ORC1: variants seen among roughly 807,000 people sequenced by gnomAD.
The protein encoded by ORC1 is origin recognition complex, subunit 1 homolog.
A neutral mutation model predicts 98.9 loss-of-function variants in ORC1; 61 were observed. That is an observed-to-expected ratio of 0.62 (90% confidence interval 0.50 to 0.76). The LOEUF (loss-of-function observed/expected upper bound fraction) is 0.76, where lower values mean the gene tolerates loss of function less well. Among genes scored for constraint, ORC1 ranks in the 30% least tolerant of loss-of-function variants. The probability of loss-of-function intolerance (pLI) is 0.00; values close to 1 mark genes in which losing one functional copy is unlikely to be tolerated. For synonymous variants in ORC1, 385 were observed against 406.9 expected, an observed-to-expected ratio of 0.95 and a Z score of 0.65; for missense variants, 979 against 1,072.2, an observed-to-expected ratio of 0.91 and a Z score of 1.21.
chr1:52,375,705 C>A, intron 14 of ORC1, 106 bp from the exon 15 acceptor site: 5 of 1,026,196 alleles, frequency 4.9e-6, no homozygotes, highest in Non-Finnish European at 7.6e-6. Context: ...AGTACTTAGC[C>A]CTGGCAGGGA....
At position 52,395,900 on chromosome 1, in the gene ORC1, CAGA is replaced by C. The variant is rs1190694628; in HGVS notation, c.721+143_721+145del. On this transcript the variant is annotated intron_variant, in intron 5 of 16. Transcript: ENST00000371568. ...GTCCCAGCTACTGGGGAGGCTGAGG[CAGA>C]AGGATTGCTTGAGCATGATCACTTG... 15 of 1,378,042 alleles carry C rather than the reference CAGA, an allele frequency of 1.1e-5. No homozygotes were observed. In the East Asian group the frequency reaches 2.0e-4, roughly 18 times the overall value. The allele number at this position is 1,378,042 out of a possible 1,614,324, so 85.4% of individuals were successfully genotyped here. A position where few individuals can be genotyped will look rare whatever the true frequency, so the allele number is the denominator to read the frequency against.
intron 9 of ORC1, 124 bp from the exon 10 acceptor site, chr1:52,385,386 A>G: frequency 1.3e-6 from 1 of 787,156 alleles, no homozygotes; most frequent in Non-Finnish European, 2.3e-6. Flanking sequence ...ACTCAATTTC[A>G]AATGCTAGAG....
intron 14 of ORC1, among the ~76,000 whole-genome samples, chr1:52,379,464 C>T (rs1474969949): frequency 2.0e-5 from 3 of 151,240 alleles, no homozygotes; most frequent in Non-Finnish European, 4.4e-5. Context: ...AGGATGGTCT[C>T]GATCTCTTGA....
Position 52,389,236 on chromosome 1 carries a change from G to C in ORC1, c.1168C>G (p.Arg390Gly). ...RRKSSVLTMN[R>G]IRQQLRFLGN... ...TCTTACCGAAGCTGCTGCCTAATCCGATTCATAGTCAAGACAGAACTCTTT... is the reference window on the plus strand; with the variant it reads ...TCTTACCGAAGCTGCTGCCTAATCCCATTCATAGTCAAGACAGAACTCTTT... Residue 390 changes from arginine to glycine, a missense_variant, in exon 7 of 17, where the codon CGG (arginine) becomes GGG (glycine). Transcript: ENST00000371568. The C allele has an allele frequency of 1.2e-6, 2 of 1,613,910 alleles. No individual in the cohort carries two copies. The highest frequency in any genetic ancestry group is 1.7e-6 in the Non-Finnish European group (2 of 1,179,786).
rs532183378 is a variant in ORC1, at chr1:52,396,852, A to C, written c.403-488T>G. Among the ~76,000 whole-genome samples the C allele has an allele frequency of 2.0e-5, 3 of 152,294 alleles. No homozygotes were observed. In the East Asian group the frequency reaches 5.8e-4, roughly 29 times the overall value. On this transcript the variant is annotated intron_variant, in intron 4 of 16. Coordinates refer to ENST00000371568, the MANE Select transcript of ORC1 (RefSeq NM_004153.4). The stretch of plus-strand genomic sequence containing the variant: ...GCCAATAATGGCTCCCACTGTAGCA[A>C]GACCAAATTACTTAAACTAATTTTT...
In ORC1 at chr1:52,373,270, G is replaced by T; in HGVS notation, c.2497C>A (p.Leu833Ile). ...CSHLGSCRLL[L>I]VEPSRNDLLL... ...AGATCGTTCCTGCTGGGCTCCACAAGCAGGAGGCGACAGGAGCCCAGGTGA... is the reference window on the plus strand; with the variant it reads ...AGATCGTTCCTGCTGGGCTCCACAATCAGGAGGCGACAGGAGCCCAGGTGA... Residue 833 changes from leucine to isoleucine, a missense_variant, in exon 17 of 17, where the codon CTT becomes ATT. Transcript: ENST00000371568. The T allele has an allele frequency of 6.2e-7, 1 of 1,614,208 alleles. No homozygotes were observed. The highest frequency in any genetic ancestry group is 1.3e-5 in the African/African-American group (1 of 75,060).
rs989023769 is a variant in ORC1 at position 52,375,697 on chromosome 1, T to G, written c.2134-98A>C. On this transcript the variant is annotated intron_variant, in intron 14 of 16. Coordinates refer to ENST00000371568, the MANE Select transcript of ORC1 (RefSeq NM_004153.4). ...CAATGGACATAAGCGTAAAGTTAAGTACTTAGCCCTGGCAGGGAACCTGGA... is the reference window on the plus strand; with the variant it reads ...CAATGGACATAAGCGTAAAGTTAAGGACTTAGCCCTGGCAGGGAACCTGGA... The G allele has an allele frequency of 1.4e-5, 16 of 1,138,124 alleles. No individual in the cohort carries two copies. The African/African-American group carries it at 2.4e-4, about 17-fold the overall frequency. 70.5% of individuals were successfully genotyped at this position (1,138,124 alleles called of 1,614,324 possible).
At position 52,383,577 on chromosome 1, in the gene ORC1, G is replaced by A. The variant is rs367621377; in HGVS notation, c.1864-8C>T. ...AGTCCACAGAAGGTCGAGCTGCCAG[G>A]GCAAAGGAGAGAGGTGCAGAGTCAA... On this transcript the variant is annotated splice_polypyrimidine_tract_variant and splice_region_variant and intron_variant, in intron 12 of 16. Coordinates refer to ENST00000371568, the MANE Select transcript of ORC1 (RefSeq NM_004153.4). 1.7e-5 allele frequency: 27 copies of A among 1,613,890 alleles called. No homozygotes were observed. Among genetic ancestry groups the A allele is most frequent in the African/African-American group, 4.0e-5 (3 of 74,930 alleles).
chr1:52,399,975 C>G (rs112842606), intron 3 of ORC1, among the ~76,000 whole-genome samples: 73 of 152,316 alleles, frequency 4.8e-4, no homozygotes, highest in African/African-American at 1.4e-3. Flanking sequence ...AGTGCCTCAT[C>G]ATCATCCTCT....
intron 14 of ORC1, among the ~76,000 whole-genome samples, chr1:52,377,706 A>G: frequency 6.8e-6 from 1 of 147,902 alleles, no homozygotes; most frequent in African/African-American, 2.5e-5. Context: ...CTAGAAGCAA[A>G]AAAAAAAAAA....
At chr1:52,403,143 T>G (rs542311785) in intron 1 of ORC1, among the ~76,000 whole-genome samples, 1 of 152,234 alleles carries the variant, frequency 6.6e-6, no homozygotes, top group African/African-American at 2.4e-5. Flanking sequence ...ACATTGTGGA[T>G]TGGGCCTCAA....
intron 14 of ORC1, among the ~76,000 whole-genome samples, chr1:52,380,198 T>C (rs754346581): frequency 2.2e-4 from 33 of 152,290 alleles, no homozygotes; most frequent in Non-Finnish European, 4.1e-4. Context: ...ACAGTGATAC[T>C]GGCCCACTCA....
At chr1:52,386,052 G>T in intron 8 of ORC1, 103 bp from the exon 9 acceptor site, 1 of 862,880 alleles carries the variant, frequency 1.2e-6, no homozygotes, top group Non-Finnish European at 1.9e-6. Context: ...AGGAAGAGAG[G>T]TGGTGAATTC....
intron 6 of ORC1, among the ~76,000 whole-genome samples, chr1:52,393,146 CTGGATAGCAATGCAGGTT>C (rs1036961357): frequency 3.0e-4 from 45 of 152,218 alleles, no homozygotes; most frequent in African/African-American, 4.8e-5. Context: ...AAATCCCAAA[CTGGATAGCAATGCAGGTT>C]TGGGAAGTTA....
intron 1 of ORC1, among the ~76,000 whole-genome samples, chr1:52,402,562 C>T (rs957698398): frequency 6.6e-6 from 1 of 152,160 alleles, no homozygotes; most frequent in African/African-American, 2.4e-5. Context: ...AAACATCTAA[C>T]AAAGTGAAAT....
intron 5 of ORC1, among the ~76,000 whole-genome samples, chr1:52,394,742 A>G (rs1395177900): frequency 1.3e-5 from 2 of 152,094 alleles, no homozygotes; most frequent in Non-Finnish European, 2.9e-5. Context: ...TGTGCCTCCC[A>G]GGTTCAAGAG....
At chr1:52,395,019 T>A (rs1019343795) in intron 5 of ORC1, among the ~76,000 whole-genome samples, 1 of 152,212 alleles carries the variant, frequency 6.6e-6, no homozygotes, top group African/African-American at 2.4e-5. Flanking sequence ...AAATGTTTTA[T>A]ACATTTATAT....
chr1:52,390,516 G>T (rs1324165684), intron 6 of ORC1, among the ~76,000 whole-genome samples: 1 of 152,244 alleles, frequency 6.6e-6, no homozygotes, highest in Non-Finnish European at 1.5e-5. Flanking sequence ...TGAAACTGGG[G>T]CCGGCCATGG....
rs527749082 is a variant in ORC1 at position 52,393,634 on chromosome 1, T to A, written c.891A>T (p.Arg297Ser). Residue 297 changes from arginine (R) to serine (S), a missense_variant, in exon 6 of 17, where the codon AGA becomes AGT. Physicochemically the swap from Arg to Ser is moderately radical, Grantham distance 110. Coordinates refer to ENST00000371568, the MANE Select transcript of ORC1 (RefSeq NM_004153.4). Reference sequence around the variant, plus strand: ...CCTCAGTATAAGAGAGTCCAGTCTCTCTGGTTTTCTCTGGGGCTTTCAGAG... The same window carrying A: ...CCTCAGTATAAGAGAGTCCAGTCTCACTGGTTTTCTCTGGGGCTTTCAGAG... ...SPALKAPEKTRETGLSYTEDD... is the reference protein window; with the variant it reads ...SPALKAPEKTSETGLSYTEDD... The A allele has an allele frequency of 6.2e-7, 1 of 1,614,144 alleles. No individual in the cohort carries two copies. Among genetic ancestry groups the A allele is most frequent in the African/African-American group, 1.3e-5 (1 of 75,046 alleles).
Sources: allele counts gnomAD v4.1 joint callset (sites outside exome capture counted in the v4.1 genomes callset), GRCh38; gene constraint gnomAD v4.1.1; transcripts MANE v1.5; gene names NCBI Gene and HGNC (gene_info 2026-07-23, HGNC 2026-07-21).